PLXNC1: variants seen among roughly 807,000 people sequenced by gnomAD.
PLXNC1 encodes the protein plexin-C1.
A neutral mutation model predicts 178.2 loss-of-function variants in PLXNC1; 75 were observed. The ratio of observed to expected loss-of-function variants is 0.42; its 90% CI spans 0.35 to 0.51. PLXNC1 has a LOEUF of 0.51. Ranked by LOEUF, PLXNC1 falls within the 20% of genes least tolerant of loss-of-function variation. PLXNC1 has a pLI of 0.02. For synonymous variants in PLXNC1, 790 were observed against 779.9 expected (o/e 1.01, Z -0.22); for missense variants, 1,503 against 1,984.4 (o/e 0.76, Z 4.61).
At chr12:94,287,473 CGA>C (rs1966861128) in intron 23 of PLXNC1, among the ~76,000 whole-genome samples, 1 of 152,068 alleles carries the variant, frequency 6.6e-6, no homozygotes, top group Non-Finnish European at 1.5e-5. Context: ...TTGGCTGGGC[CGA>C]GTTATTGCAC....
chr12:94,284,107 AAGC>A (rs972529760), intron 23 of PLXNC1, among the ~76,000 whole-genome samples: 1 of 151,660 alleles, frequency 6.6e-6, no homozygotes, highest in Non-Finnish European at 1.5e-5. Context: ...AAAAAAAAAA[AAGC>A]AGGGTTTGCA....
chr12:94,188,050 A>C (rs1177988568), intron 4 of PLXNC1, among the ~76,000 whole-genome samples: 2 of 151,904 alleles, frequency 1.3e-5, no homozygotes, highest in African/African-American at 4.8e-5. Flanking sequence ...GAAGCCAAGG[A>C]AAGAAAGGAG....
intron 2 of PLXNC1, among the ~76,000 whole-genome samples, chr12:94,180,533 A>G (rs185933343): frequency 5.3e-5 from 8 of 152,230 alleles, no homozygotes; most frequent in African/African-American, 1.4e-4. Context: ...GTTCACTGCC[A>G]TTTTTCAAAC....
chr12:94,222,255 C>T (rs1462053735), intron 6 of PLXNC1, among the ~76,000 whole-genome samples: 1 of 152,170 alleles, frequency 6.6e-6, no homozygotes, highest in Middle Eastern at 3.2e-3. Flanking sequence ...CCGTTGCACC[C>T]AACCCTTCAC....
chr12:94,237,635 C>A, intron 9 of PLXNC1, 29 bp from the exon 10 acceptor site: 1 of 1,597,538 alleles, frequency 6.3e-7, no homozygotes, highest in Non-Finnish European at 8.6e-7. Flanking sequence ...TAGCTTTGAT[C>A]TCCTGTTTTA....
At chr12:94,289,645 C>T (rs1967074803) in intron 23 of PLXNC1, among the ~76,000 whole-genome samples, 1 of 152,154 alleles carries the variant, frequency 6.6e-6, no homozygotes. Context: ...ACTCTGCATT[C>T]CAGGGCACTT....
At chr12:94,255,324 G>A in intron 17 of PLXNC1, 28 bp downstream of exon 17, 2 of 1,442,204 alleles carry the variant, frequency 1.4e-6, no homozygotes, top group Non-Finnish European at 2.0e-6. Flanking sequence ...ATATTCCGAA[G>A]GTTGAGTCTT....
At chr12:94,212,266 T>C (rs528741835) in intron 5 of PLXNC1, among the ~76,000 whole-genome samples, 231 of 80,808 alleles carry the variant, frequency 2.9e-3, no homozygotes, top group African/African-American at 0.011. Context: ...AGAGCGAGAC[T>C]CCGTCTCAAA....
chr12:94,281,361 A>C (rs1966426984), intron 22 of PLXNC1, among the ~76,000 whole-genome samples: 1 of 152,200 alleles, frequency 6.6e-6, no homozygotes, highest in South Asian at 2.1e-4. Context: ...CAGAGACTCA[A>C]AAACGCAGAT....
intron 10 of PLXNC1, 74 bp from the exon 11 acceptor site, chr12:94,240,411 T>C (rs66824619): frequency 0.21 from 237,825 of 1,122,060 alleles, 27,043 homozygotes; most frequent in African/African-American, 0.27. Flanking sequence ...TGAAATTCAT[T>C]TGCTGTCACC....
intron 6 of PLXNC1, among the ~76,000 whole-genome samples, chr12:94,220,860 C>A (rs1484885883): frequency 1.3e-5 from 2 of 152,144 alleles, no homozygotes; most frequent in African/African-American, 4.8e-5. Context: ...GTATTTCAGA[C>A]AGAGACCAAC....
intron 9 of PLXNC1, among the ~76,000 whole-genome samples, chr12:94,229,021 A>G (rs1232765058): frequency 6.6e-6 from 1 of 152,206 alleles, no homozygotes; most frequent in Non-Finnish European, 1.5e-5. Context: ...ATTCCCACCA[A>G]CAGTGCACAA....
chr12:94,211,824 C>A (rs113314795), intron 5 of PLXNC1, among the ~76,000 whole-genome samples: 2 of 152,198 alleles, frequency 1.3e-5, no homozygotes, highest in Non-Finnish European at 2.9e-5. Flanking sequence ...TTATATTGAT[C>A]AAAAAATGCC....
chr12:94,206,023 T>C (rs965219693), intron 4 of PLXNC1, among the ~76,000 whole-genome samples: 5 of 152,218 alleles, frequency 3.3e-5, no homozygotes, highest in Admixed American at 1.3e-4. Context: ...GTGAGGTTGT[T>C]GTGAGAACTA....
intron 1 of PLXNC1, among the ~76,000 whole-genome samples, chr12:94,158,670 C>G (rs1961266804): frequency 6.6e-6 from 1 of 151,984 alleles, no homozygotes; most frequent in Admixed American, 6.6e-5. Flanking sequence ...GGTGTAGTGG[C>G]ACATATTTGT....
intron 4 of PLXNC1, among the ~76,000 whole-genome samples, chr12:94,189,126 C>A (rs996926125): frequency 6.6e-6 from 1 of 152,204 alleles, no homozygotes; most frequent in Non-Finnish European, 1.5e-5. Flanking sequence ...TCTCAAGCTG[C>A]GTTCAGCTTT....
intron 6 of PLXNC1, among the ~76,000 whole-genome samples, chr12:94,222,471 C>T (rs892606819): frequency 6.6e-6 from 1 of 152,158 alleles, no homozygotes; most frequent in Admixed American, 6.5e-5. Context: ...CATGCCCTTG[C>T]CAGATTCTGC....
In PLXNC1 at chr12:94,149,964, C is replaced by A. The variant is rs747423093; in HGVS notation, c.993C>A (p.Phe331Leu). Reference sequence around the variant, plus strand: ...CCACCACCACGGCGCTCTGCCTCTTCAGAATGAGTGAGATCCAGGCGCGCG... The same window carrying A: ...CCACCACCACGGCGCTCTGCCTCTTAAGAATGAGTGAGATCCAGGCGCGCG... ...RSPTTTALCL[F>L]RMSEIQARAK... Residue 331 changes from phenylalanine to leucine, a missense_variant, in exon 1 of 31, where the codon TTC (phenylalanine) becomes TTA (leucine). Phe to Leu is a conservative substitution (Grantham distance 22, BLOSUM62 0). This residue lies in a region of PLXNC1 where 615 missense variants were observed against 698.6 expected (regional missense o/e 0.88). Coordinates refer to ENST00000258526, the MANE Select transcript of PLXNC1 (RefSeq NM_005761.3). 6.3e-7 allele frequency: 1 copy of A among 1,592,780 alleles called. No homozygotes were observed. Among genetic ancestry groups the A allele is most frequent in the Non-Finnish European group, 8.5e-7 (1 of 1,170,794 alleles).
intron 1 of PLXNC1, chr12:94,168,293 G>A (rs1376865846): frequency 6.6e-6 from 1 of 152,190 alleles, no homozygotes; most frequent in Non-Finnish European, 1.5e-5. Context: ...CCAGAGATTT[G>A]TGTAACAAAC....
Sources: gnomAD v4.1 joint callset for allele counts (sites outside exome capture counted in the v4.1 genomes callset) on GRCh38, gnomAD v4.1.1 for gene constraint, gnomAD v4.1.1 regional missense constraint, MANE v1.5 for transcripts, NCBI Gene and HGNC (gene_info 2026-07-23, HGNC 2026-07-21) for gene names.